Variants in PCSK5 observed in about 807,000 individuals in gnomAD.
The protein encoded by PCSK5 is proprotein convertase subtilisin/kexin type 5.
In PCSK5, 129 loss-of-function variants were observed where a neutral mutation model predicts 233.2. The observed-to-expected ratio is 0.55, with a 90% CI of 0.48 to 0.64. The LOEUF is 0.64. PCSK5 is among the 30% of genes least tolerant of loss of function. The pLI is 0.00. For synonymous variants in PCSK5, 825 were observed against 879.2 expected (o/e 0.94, Z 1.09); for missense variants, 2,076 against 2,430.1 (o/e 0.85, Z 3.06).
intron 30 of PCSK5, among the ~76,000 whole-genome samples, chr9:76,313,014 A>G (rs1587313004): frequency 6.6e-6 from 1 of 152,210 alleles, no homozygotes; most frequent in Middle Eastern, 3.4e-3. Context: ...TATTTTTTGA[A>G]TGCTTGCAAC....
chr9:76,106,726 C>A (rs565242727), intron 8 of PCSK5, among the ~76,000 whole-genome samples: 1 of 152,308 alleles, frequency 6.6e-6, no homozygotes, highest in South Asian at 2.1e-4. Flanking sequence ...GGTCCACAAC[C>A]AAAGGTTCTT....
chr9:76,124,444 C>A (rs7341871), intron 9 of PCSK5, among the ~76,000 whole-genome samples: 71,344 of 151,660 alleles, frequency 0.47, 17,171 homozygotes, highest in Admixed American at 0.52. Flanking sequence ...TCATCTCTTT[C>A]CTTAAAAATA....
chr9:76,253,185 T>C (rs1324569204), intron 24 of PCSK5, among the ~76,000 whole-genome samples: 2 of 152,000 alleles, frequency 1.3e-5, no homozygotes, highest in Non-Finnish European at 2.9e-5. Flanking sequence ...CCCAGGGAGT[T>C]ACTGACCATC....
chr9:76,178,232 G>A (rs1003670162), intron 14 of PCSK5, among the ~76,000 whole-genome samples: 1 of 152,192 alleles, frequency 6.6e-6, no homozygotes, highest in African/African-American at 2.4e-5. Context: ...ATGGAATTTG[G>A]AGATCGATTT....
At chr9:76,127,719 T>C (rs536713033) in intron 9 of PCSK5, among the ~76,000 whole-genome samples, 1 of 152,348 alleles carries the variant, frequency 6.6e-6, no homozygotes, top group African/African-American at 2.4e-5. Flanking sequence ...TTCTGAGTTA[T>C]AATGGTACAG....
At chr9:76,206,350 T>C (rs1825114511) in intron 20 of PCSK5, among the ~76,000 whole-genome samples, 1 of 152,178 alleles carries the variant, frequency 6.6e-6, no homozygotes, top group African/African-American at 2.4e-5. Context: ...ACTTTCCTCA[T>C]CTATAAAAAG....
chr9:76,259,362 G>C (rs1433784015), intron 24 of PCSK5, among the ~76,000 whole-genome samples: 2 of 151,490 alleles, frequency 1.3e-5, no homozygotes, highest in African/African-American at 4.9e-5. Context: ...AATGTGGCTG[G>C]GTCCTTCCTG....
chr9:76,058,552 G>A (rs967202233), intron 5 of PCSK5, among the ~76,000 whole-genome samples: 25 of 152,096 alleles, frequency 1.6e-4, no homozygotes, highest in African/African-American at 5.8e-4. Flanking sequence ...AATTTTAAAT[G>A]TGGAAGTGGC....
chr9:76,337,929 G>C (rs1206926856), intron 34 of PCSK5, among the ~76,000 whole-genome samples: 2 of 152,116 alleles, frequency 1.3e-5, no homozygotes, highest in Non-Finnish European at 2.9e-5. Context: ...GGTAGAAAAA[G>C]GCAATGGTAG....
chr9:76,142,807 A>G (rs375099467), intron 10 of PCSK5, among the ~76,000 whole-genome samples: 5 of 152,158 alleles, frequency 3.3e-5, no homozygotes, highest in South Asian at 4.1e-4. Flanking sequence ...TGATAGTCAC[A>G]TATCTCTTGT....
chr9:76,322,041 C>T (rs772757426), intron 31 of PCSK5, among the ~76,000 whole-genome samples: 6 of 152,088 alleles, frequency 3.9e-5, no homozygotes, highest in Non-Finnish European at 5.9e-5. Flanking sequence ...CTTCTGCCTC[C>T]CATGTTTAAG....
chr9:76,304,024 T>G (rs1828700514), intron 28 of PCSK5, among the ~76,000 whole-genome samples: 1 of 152,000 alleles, frequency 6.6e-6, no homozygotes, highest in Non-Finnish European at 1.5e-5. Context: ...ATACAAAAAT[T>G]AGCCAGGCTT....
At chr9:76,354,288 AG>A (rs369626370) in intron 37 of PCSK5, 69 bp downstream of exon 37, 85 of 1,264,542 alleles carry the variant, frequency 6.7e-5, no homozygotes, top group Non-Finnish European at 8.1e-5. Context: ...GAGCAGAGGG[AG>A]GGGGGGATGG....
In PCSK5 at chr9:76,022,983, C is replaced by T. The variant is rs141723738; in HGVS notation, c.412-755C>T. ...GTTTTTCATAGGAGCACACATCTGGCTGCTGTACAGAGAAGCTGCCTGAGT... is the reference window on the plus strand; with the variant it reads ...GTTTTTCATAGGAGCACACATCTGGTTGCTGTACAGAGAAGCTGCCTGAGT... On this transcript the variant is annotated intron_variant, in intron 3 of 37. Coordinates refer to ENST00000674117, the MANE Select transcript of PCSK5 (RefSeq NM_001372043.1). 2.2e-3 allele frequency among the ~76,000 whole-genome samples: 329 copies of T among 152,286 alleles called. 2 individuals are homozygous for T. The highest frequency in any genetic ancestry group is 7.3e-3 in the African/African-American group (303 of 41,562).
At chr9:76,016,179 G>A (rs56370672) in intron 3 of PCSK5, among the ~76,000 whole-genome samples, 2 of 152,356 alleles carry the variant, frequency 1.3e-5, no homozygotes, top group Non-Finnish European at 2.9e-5. Context: ...AGTGCCAGAG[G>A]GCAAGTGGGG....
At chr9:76,064,589 G>C (rs1035062349) in intron 5 of PCSK5, among the ~76,000 whole-genome samples, 4 of 147,672 alleles carry the variant, frequency 2.7e-5, no homozygotes, top group African/African-American at 1.0e-4. Context: ...TGGCTGCCGG[G>C]CGGAGAGGCT....
Position 75,891,050 on chromosome 9 carries a change from G to A in PCSK5, c.-132G>A. On this transcript the variant is annotated 5_prime_UTR_variant, in exon 1 of 38. Coordinates refer to ENST00000674117, the MANE Select transcript of PCSK5 (RefSeq NM_001372043.1). ...CTGCCGGGGCTAGCCGCCTCCTGCC[G>A]ATCGCCCGGGGCTGCGAGCTGCGGC... 1 of 804,130 alleles carries A rather than the reference G, an allele frequency of 1.2e-6. No individual in the cohort carries two copies. The highest frequency in any genetic ancestry group is 1.7e-6 in the Non-Finnish European group (1 of 572,052). 49.8% of individuals were successfully genotyped at this position (804,130 alleles called of 1,614,324 possible).
chr9:75,947,628 A>G (rs955090694), intron 2 of PCSK5, among the ~76,000 whole-genome samples: 2 of 152,204 alleles, frequency 1.3e-5, no homozygotes, highest in Non-Finnish European at 2.9e-5. Flanking sequence ...GGAATGTTCT[A>G]ATAATGTCCC....
chr9:75,891,640 A>G (rs1825610252), intron 1 of PCSK5, among the ~76,000 whole-genome samples: 1 of 152,154 alleles, frequency 6.6e-6, no homozygotes, highest in Admixed American at 6.5e-5. Context: ...CTCGGGAAAA[A>G]TCCAGAGTGC....
Sources: allele counts gnomAD v4.1 joint callset (sites outside exome capture counted in the v4.1 genomes callset), GRCh38; gene constraint gnomAD v4.1.1; transcripts MANE v1.5; gene names NCBI Gene and HGNC (gene_info 2026-07-23, HGNC 2026-07-21).